The following SEMA3E variants were observed in gnomAD, a reference collection of about 807,000 sequenced individuals.
The protein encoded by SEMA3E is semaphorin 3E.
SEMA3E carries 49 observed loss-of-function variants against 93.6 expected under a neutral mutation model. The observed-to-expected ratio is 0.52, with a 90% confidence interval of 0.42 to 0.66. The LOEUF is 0.66. Among genes scored for constraint, SEMA3E ranks in the 30% least tolerant of loss-of-function variants. The pLI is 0.00. For synonymous variants in SEMA3E, 363 were observed against 330.7 expected, an observed-to-expected ratio of 1.10 and a Z score of -1.06; for missense variants, 906 against 964.8, an observed-to-expected ratio of 0.94 and a Z score of 0.81.
chr7:83,591,987 A>G (rs939714586), intron 1 of SEMA3E, among the ~76,000 whole-genome samples: 1 of 152,104 alleles, frequency 6.6e-6, no homozygotes, highest in Admixed American at 6.6e-5. Flanking sequence ...AAATACAACC[A>G]TAACATTGCC....
chr7:83,547,978 G>T (rs1365774396), intron 1 of SEMA3E, among the ~76,000 whole-genome samples: 2 of 152,054 alleles, frequency 1.3e-5, no homozygotes, highest in African/African-American at 4.8e-5. Flanking sequence ...AGATCCAGAG[G>T]GGTGAACTTG....
intron 1 of SEMA3E, among the ~76,000 whole-genome samples, chr7:83,569,701 T>A (rs1460160104): frequency 2.0e-5 from 3 of 152,132 alleles, no homozygotes; most frequent in African/African-American, 7.2e-5. Context: ...TAAACGTATA[T>A]CCACCCACGA....
chr7:83,546,508 C>T (rs1791654629), intron 1 of SEMA3E, among the ~76,000 whole-genome samples: 1 of 151,774 alleles, frequency 6.6e-6, no homozygotes, highest in Non-Finnish European at 1.5e-5. Context: ...AAAGACAAAA[C>T]ATAACCAGCA....
At chr7:83,608,602 G>A (rs1355582241) in intron 1 of SEMA3E, among the ~76,000 whole-genome samples, 1 of 151,996 alleles carries the variant, frequency 6.6e-6, no homozygotes, top group Non-Finnish European at 1.5e-5. Flanking sequence ...TGTTCTCACT[G>A]TATATTACAT....
At chr7:83,457,280 G>T (rs151200398) in intron 4 of SEMA3E, among the ~76,000 whole-genome samples, 19 of 152,224 alleles carry the variant, frequency 1.2e-4, no homozygotes, top group African/African-American at 3.9e-4. Context: ...CTCCCCCAGG[G>T]TTTAATAATT....
intron 1 of SEMA3E, among the ~76,000 whole-genome samples, chr7:83,521,633 T>C (rs1051758013): frequency 2.0e-5 from 3 of 152,096 alleles, no homozygotes; most frequent in African/African-American, 7.2e-5. Flanking sequence ...AAGTTCAAGA[T>C]CAAGGTGCAA....
chr7:83,547,979 G>A (rs548799990), intron 1 of SEMA3E, among the ~76,000 whole-genome samples: 1 of 152,162 alleles, frequency 6.6e-6, no homozygotes, highest in South Asian at 2.1e-4. Flanking sequence ...GATCCAGAGG[G>A]GTGAACTTGG....
At chr7:83,601,875 TTTAATCTAGCAGAAG>T (rs1210240252) in intron 1 of SEMA3E, among the ~76,000 whole-genome samples, 13 of 152,224 alleles carry the variant, frequency 8.5e-5, no homozygotes, top group African/African-American at 3.1e-4. Flanking sequence ...GTCCTGTATG[TTTAATCTAGCAGAAG>T]TTACTTTCTT....
chr7:83,641,154 T>C (rs2115710992), intron 1 of SEMA3E, among the ~76,000 whole-genome samples: 1 of 152,288 alleles, frequency 6.6e-6, no homozygotes, highest in Admixed American at 6.5e-5. Flanking sequence ...AAAGGGGCTA[T>C]AAATAGTTGT....
chr7:83,437,909 C>A (rs1185385833), intron 4 of SEMA3E, among the ~76,000 whole-genome samples: 2 of 152,100 alleles, frequency 1.3e-5, no homozygotes, highest in Admixed American at 1.3e-4. Flanking sequence ...GACAGGACAA[C>A]TTGTTCATAA....
intron 1 of SEMA3E, among the ~76,000 whole-genome samples, chr7:83,639,117 AAAAAAAAAAAAAAAAAAAAAAAAC>A (rs1464325560): frequency 5.5e-5 from 5 of 90,538 alleles, no homozygotes; most frequent in Non-Finnish European, 1.1e-4. Flanking sequence ...TCTCAAAAAA[AAAAAAAAAAAAAAAAAAAAAAAAC>A]AGAGATTCCT....
At chr7:83,589,889 A>G (rs1014403013) in intron 1 of SEMA3E, among the ~76,000 whole-genome samples, 4 of 152,090 alleles carry the variant, frequency 2.6e-5, no homozygotes, top group Non-Finnish European at 5.9e-5. Context: ...TGCTTGGTCT[A>G]AAAACCTTAA....
intron 1 of SEMA3E, among the ~76,000 whole-genome samples, chr7:83,645,361 AC>A (rs2115724161): frequency 6.6e-6 from 1 of 152,126 alleles, no homozygotes; most frequent in African/African-American, 2.4e-5. Flanking sequence ...CTATTCATGA[AC>A]TTTTAAATAT....
At chr7:83,629,407 A>G (rs1793740707) in intron 1 of SEMA3E, among the ~76,000 whole-genome samples, 1 of 152,100 alleles carries the variant, frequency 6.6e-6, no homozygotes, top group South Asian at 2.1e-4. Flanking sequence ...CCCTTCCCCC[A>G]GGTCCTCTGT....
intron 1 of SEMA3E, among the ~76,000 whole-genome samples, chr7:83,521,342 T>C (rs145411173): frequency 1.3e-5 from 2 of 152,198 alleles, no homozygotes; most frequent in African/African-American, 4.8e-5. Context: ...ATTCCAATCT[T>C]GCACAATTTA....
chr7:83,424,619 C>A (rs746107107), intron 4 of SEMA3E, among the ~76,000 whole-genome samples: 74 of 152,094 alleles, frequency 4.9e-4, no homozygotes, highest in Admixed American at 7.2e-4. Context: ...AATAACGGAG[C>A]CTCAAAGATG....
chr7:83,387,224 C>A (rs1477170566), intron 14 of SEMA3E, among the ~76,000 whole-genome samples, 174 bp from the exon 15 acceptor site: 2 of 152,066 alleles, frequency 1.3e-5, no homozygotes, highest in Non-Finnish European at 2.9e-5. Flanking sequence ...ATTATATGTT[C>A]TTCAGTAGCT....
At chr7:83,433,893 C>T (rs1301354710) in intron 4 of SEMA3E, among the ~76,000 whole-genome samples, 3 of 151,792 alleles carry the variant, frequency 2.0e-5, no homozygotes, top group Non-Finnish European at 4.4e-5. Flanking sequence ...ATAAAATATA[C>T]GATGATCCCA....
intron 1 of SEMA3E, among the ~76,000 whole-genome samples, chr7:83,568,095 T>G (rs1181973548): frequency 2.6e-5 from 4 of 152,034 alleles, no homozygotes; most frequent in African/African-American, 9.7e-5. Context: ...GGGATTATTA[T>G]GAGCAACTAT....
Sources: gnomAD v4.1 joint callset for allele counts (sites outside exome capture counted in the v4.1 genomes callset) on GRCh38, gnomAD v4.1.1 for gene constraint, MANE v1.5 for transcripts, NCBI Gene and HGNC (gene_info 2026-07-23, HGNC 2026-07-21) for gene names.